Variants in PCNX1 observed in about 807,000 individuals in gnomAD.
PCNX1 encodes pecanex 1.
PCNX1 carries 78 observed loss-of-function variants against 242.2 expected under a neutral mutation model. The ratio of observed to expected loss-of-function variants is 0.32; its 90% CI spans 0.27 to 0.39. The LOEUF (loss-of-function observed/expected upper bound fraction) is 0.39. PCNX1 is among the 10% of genes least tolerant of loss of function. The probability of loss-of-function intolerance (pLI) is 1.00; values close to 1 mark genes in which losing one functional copy is unlikely to be tolerated. For missense variants in PCNX1, 2,581 were observed against 2,856.5 expected (o/e 0.90, Z 2.20); for synonymous variants, 1,024 against 1,032.9 (o/e 0.99, Z 0.17).
chr14:71,057,348 T>C (rs1329931244), intron 25 of PCNX1, among the ~76,000 whole-genome samples, 161 bp from the exon 26 acceptor site: 2 of 152,238 alleles, frequency 1.3e-5, no homozygotes, highest in African/African-American at 2.4e-5. Flanking sequence ...CTTTTCCATT[T>C]TCCTGTTTTA....
chr14:70,940,905 C>G (rs181223352), intron 1 of PCNX1, among the ~76,000 whole-genome samples: 1 of 152,212 alleles, frequency 6.6e-6, no homozygotes, highest in Non-Finnish European at 1.5e-5. Context: ...CTTTCTTCCA[C>G]TTGATCGAAT....
In PCNX1 at chr14:71,036,094, A is replaced by G. The variant is rs376052144; in HGVS notation, c.3804A>G (p.Val1268=). ...VSERLQSDLV[V]CIVIGVLYFA... is the part of the protein sequence containing the mutation. ...AGCGATTACAGTCTGACCTGGTAGT[A>G]TGCATTGTAATTGGTGTGCTGTATT... Residue 1268 remains valine, a synonymous_variant, in exon 19 of 36, where the codon GTA becomes GTG. Coordinates refer to ENST00000304743, the MANE Select transcript of PCNX1 (RefSeq NM_014982.3). The G allele has an allele frequency of 1.9e-6, 3 of 1,606,702 alleles. No individual in the cohort carries two copies. Among genetic ancestry groups the G allele is most frequent in the African/African-American group, 1.3e-5 (1 of 74,762 alleles).
chr14:70,947,491 TGTCTTTACTGCA>T (rs2057503872), intron 2 of PCNX1, among the ~76,000 whole-genome samples: 1 of 152,220 alleles, frequency 6.6e-6, no homozygotes. Flanking sequence ...TTCTTACGCC[TGTCTTTACTGCA>T]GTCTCTGAAC....
At chr14:71,095,429 A>G (rs1334062500) in intron 30 of PCNX1, among the ~76,000 whole-genome samples, 13 of 152,210 alleles carry the variant, frequency 8.5e-5, no homozygotes, top group Admixed American at 8.5e-4. Context: ...GTATATTTCT[A>G]AAATTCTTTT....
At chr14:71,080,843 A>G (rs952960768) in intron 28 of PCNX1, among the ~76,000 whole-genome samples, 1 of 152,132 alleles carries the variant, frequency 6.6e-6, no homozygotes, top group Non-Finnish European at 1.5e-5. Flanking sequence ...CTCTCTTCCT[A>G]TTTAAATACC....
At chr14:71,044,200 G>T (rs1056664590) in intron 19 of PCNX1, among the ~76,000 whole-genome samples, 5 of 152,146 alleles carry the variant, frequency 3.3e-5, no homozygotes, top group Non-Finnish European at 7.3e-5. Context: ...CTAGTCCTCA[G>T]GTGCCAGTAG....
intron 8 of PCNX1, among the ~76,000 whole-genome samples, chr14:70,998,652 A>G (rs2059419457): frequency 6.6e-6 from 1 of 151,264 alleles, no homozygotes; most frequent in Admixed American, 6.6e-5. Context: ...TCAAAAGGCT[A>G]AGTCACAAGA....
At chr14:71,063,783 A>G (rs980057515) in intron 26 of PCNX1, among the ~76,000 whole-genome samples, 1 of 152,148 alleles carries the variant, frequency 6.6e-6, no homozygotes, top group Non-Finnish European at 1.5e-5. Flanking sequence ...TATTGAAACA[A>G]GTTTCTTGAT....
chr14:70,966,732 T>G (rs1292809980), intron 3 of PCNX1, among the ~76,000 whole-genome samples: 1 of 152,242 alleles, frequency 6.6e-6, no homozygotes, highest in African/African-American at 2.4e-5. Context: ...TTAAAAATTT[T>G]TTTTTTAAGT....
intron 16 of PCNX1, among the ~76,000 whole-genome samples, chr14:71,033,048 T>A (rs1488245045): frequency 1.3e-5 from 2 of 152,238 alleles, no homozygotes; most frequent in African/African-American, 2.4e-5. Context: ...CTTATTATTG[T>A]ATCTAAAATT....
intron 13 of PCNX1, among the ~76,000 whole-genome samples, chr14:71,024,065 G>C (rs1334822358): frequency 6.6e-6 from 1 of 152,088 alleles, no homozygotes; most frequent in Non-Finnish European, 1.5e-5. Context: ...GCAGTACAAA[G>C]AATTTCAGAT....
chr14:70,991,964 C>T (rs946918532), intron 7 of PCNX1, among the ~76,000 whole-genome samples: 2 of 151,966 alleles, frequency 1.3e-5, no homozygotes, highest in South Asian at 4.2e-4. Context: ...AAATATATGT[C>T]CCCAAGGATT....
chr14:71,024,552 T>A (rs2060189962), intron 13 of PCNX1, among the ~76,000 whole-genome samples: 1 of 152,180 alleles, frequency 6.6e-6, no homozygotes, highest in South Asian at 2.1e-4. Flanking sequence ...GCTGATGATG[T>A]TTCTGATTTG....
chr14:70,959,206 C>T, intron 2 of PCNX1, among the ~76,000 whole-genome samples: 1 of 139,860 alleles, frequency 7.2e-6, no homozygotes. Flanking sequence ...CCCCGTAAAT[C>T]TGGGTTCCTG....
At chr14:70,941,780 C>T (rs531733326) in intron 1 of PCNX1, among the ~76,000 whole-genome samples, 1 of 152,204 alleles carries the variant, frequency 6.6e-6, no homozygotes, top group African/African-American at 2.4e-5. Context: ...GAGCTTCACC[C>T]AGTTAGAGCT....
intron 3 of PCNX1, 110 bp from the exon 4 acceptor site, chr14:70,968,088 G>T (rs1015109635): frequency 3.8e-6 from 3 of 787,810 alleles, no homozygotes; most frequent in African/African-American, 3.4e-5. Context: ...AAAAATGATC[G>T]ATAACATGTT....
intron 3 of PCNX1, among the ~76,000 whole-genome samples, chr14:70,964,448 G>A (rs2058317354): frequency 6.6e-6 from 1 of 151,648 alleles, no homozygotes; most frequent in Non-Finnish European, 1.5e-5. Flanking sequence ...TTTTTTTGTT[G>A]GCCTTGTGTT....
At chr14:70,954,446 G>A (rs775668561) in intron 2 of PCNX1, among the ~76,000 whole-genome samples, 3 of 152,096 alleles carry the variant, frequency 2.0e-5, no homozygotes, top group Non-Finnish European at 2.9e-5. Context: ...TAGGAACTTG[G>A]TATTTTTATT....
At chr14:70,931,034 A>G (rs1460242428) in intron 1 of PCNX1, among the ~76,000 whole-genome samples, 4 of 152,138 alleles carry the variant, frequency 2.6e-5, no homozygotes, top group African/African-American at 9.7e-5. Flanking sequence ...ATTCTTTCTG[A>G]TCCCTCTTAA....
Sources: allele counts gnomAD v4.1 joint callset (sites outside exome capture counted in the v4.1 genomes callset), GRCh38; gene constraint gnomAD v4.1.1; transcripts MANE v1.5; gene names NCBI Gene and HGNC (gene_info 2026-07-23, HGNC 2026-07-21).